LRFN5: variants seen among roughly 807,000 people sequenced by gnomAD.
LRFN5 encodes the protein leucine-rich repeat and fibronectin type-III domain-containing protein 5.
Under a neutral mutation model 45.6 loss-of-function variants are expected in LRFN5, and 24 were observed. The observed-to-expected ratio is 0.53, with a 90% CI of 0.38 to 0.74. The LOEUF (loss-of-function observed/expected upper bound fraction) is 0.74, where lower values mean the gene tolerates loss of function less well. Ranked by LOEUF, LRFN5 falls within the 30% of genes least tolerant of loss-of-function variation. The probability of loss-of-function intolerance (pLI) is 0.00; values close to 1 mark genes in which losing one functional copy is unlikely to be tolerated. For synonymous variants in LRFN5, 340 were observed against 313.8 expected (o/e 1.08, Z -0.88); for missense variants, 776 against 861.5 (o/e 0.90, Z 1.24).
chr14:41,709,719 C>A (rs1233490834), intron 1 of LRFN5, among the ~76,000 whole-genome samples: 1 of 151,290 alleles, frequency 6.6e-6, no homozygotes, highest in Non-Finnish European at 1.5e-5. Flanking sequence ...GAACATATAG[C>A]CAAAAAGCCA....
intron 1 of LRFN5, among the ~76,000 whole-genome samples, chr14:41,611,875 C>G (rs933941714): frequency 3.3e-5 from 5 of 152,200 alleles, no homozygotes; most frequent in African/African-American, 1.2e-4. Context: ...CTGTAGTTAC[C>G]TGTGGGAGAA....
At chr14:41,650,291 A>T (rs549420315) in intron 1 of LRFN5, among the ~76,000 whole-genome samples, 1 of 139,418 alleles carries the variant, frequency 7.2e-6, no homozygotes, top group South Asian at 2.3e-4. Flanking sequence ...TACTTGCAAC[A>T]CAGATGAGAG....
intron 2 of LRFN5, among the ~76,000 whole-genome samples, chr14:41,818,806 GT>G (rs1412085555): frequency 6.6e-6 from 1 of 152,094 alleles, no homozygotes; most frequent in Non-Finnish European, 1.5e-5. Context: ...TTGCAAAGTG[GT>G]GAAGTCTGGT....
At chr14:41,711,632 A>G (rs1188577978) in intron 1 of LRFN5, among the ~76,000 whole-genome samples, 1 of 152,220 alleles carries the variant, frequency 6.6e-6, no homozygotes, top group East Asian at 1.9e-4. Flanking sequence ...CCAGGTTTGT[A>G]GTGTTTAATG....
intron 1 of LRFN5, among the ~76,000 whole-genome samples, chr14:41,720,064 A>G (rs138362025): frequency 6.6e-6 from 1 of 152,090 alleles, no homozygotes; most frequent in African/African-American, 2.4e-5. Flanking sequence ...GATATGAATG[A>G]TCCTGTCAAG....
At chr14:41,623,240 T>TA (rs1888198720) in intron 1 of LRFN5, among the ~76,000 whole-genome samples, 1 of 152,098 alleles carries the variant, frequency 6.6e-6, no homozygotes. Flanking sequence ...GTGATACAGT[T>TA]AGACTTTGTG....
intron 1 of LRFN5, among the ~76,000 whole-genome samples, chr14:41,673,200 C>T (rs895119730): frequency 4.6e-5 from 7 of 151,724 alleles, no homozygotes. Context: ...CCGCCATTGT[C>T]ATCATGGCCC....
rs77341256 is a variant in LRFN5 at position 41,797,526 on chromosome 14, C to T, written c.-21+30497C>T. On this transcript the variant is annotated intron_variant, in intron 2 of 5. Coordinates refer to ENST00000298119, the MANE Select transcript of LRFN5 (RefSeq NM_152447.5). ...TACCTTATTGGAAAAGTGCTCTGTC[C>T]TTATTCTTTTTCTTTCTTTCTTAAA... 2.7e-3 allele frequency among the ~76,000 whole-genome samples: 408 copies of T among 151,550 alleles called. 2 individuals are homozygous for T. Among genetic ancestry groups the T allele is most frequent in the Non-Finnish European group, 4.1e-3 (277 of 67,712 alleles).
intron 1 of LRFN5, among the ~76,000 whole-genome samples, chr14:41,665,465 C>G (rs1880853149): frequency 6.6e-6 from 1 of 152,008 alleles, no homozygotes; most frequent in African/African-American, 2.4e-5. Context: ...TTTCTGCCAG[C>G]ACTTAACTCA....
intron 2 of LRFN5, among the ~76,000 whole-genome samples, chr14:41,803,217 A>C (rs187427047): frequency 6.6e-6 from 1 of 152,162 alleles, no homozygotes; most frequent in Non-Finnish European, 1.5e-5. Flanking sequence ...TGTCATTAAG[A>C]TTCTTTTGAT....
At chr14:41,643,477 G>A (rs1465223063) in intron 1 of LRFN5, among the ~76,000 whole-genome samples, 1 of 151,864 alleles carries the variant, frequency 6.6e-6, no homozygotes, top group African/African-American at 2.4e-5. Flanking sequence ...ATATCTTCTC[G>A]GCACACAAAC....
intron 1 of LRFN5, among the ~76,000 whole-genome samples, chr14:41,750,736 ACTT>A (rs1371947728): frequency 6.6e-6 from 1 of 152,078 alleles, no homozygotes; most frequent in African/African-American, 2.4e-5. Context: ...GCCTCAGAAA[ACTT>A]AAAATCCTGG....
chr14:41,896,990 G>T (rs910407843), intron 4 of LRFN5, among the ~76,000 whole-genome samples: 1 of 151,840 alleles, frequency 6.6e-6, no homozygotes, highest in Non-Finnish European at 1.5e-5. Flanking sequence ...TACTCGGGAG[G>T]CTGAGGCAGG....
At chr14:41,670,507 T>C (rs899375282) in intron 1 of LRFN5, among the ~76,000 whole-genome samples, 6 of 151,346 alleles carry the variant, frequency 4.0e-5, no homozygotes, top group African/African-American at 1.2e-4. Flanking sequence ...TAGGAAAATA[T>C]CCCTTTGAGA....
At chr14:41,759,591 C>T (rs971751103) in intron 1 of LRFN5, among the ~76,000 whole-genome samples, 18 of 151,986 alleles carry the variant, frequency 1.2e-4, no homozygotes, top group Admixed American at 6.6e-5. Context: ...CTCTGATTAA[C>T]ACCAGTCCAG....
chr14:41,741,067 G>C (rs1884669901), intron 1 of LRFN5, among the ~76,000 whole-genome samples: 1 of 145,160 alleles, frequency 6.9e-6, no homozygotes. Flanking sequence ...GGTGAAAGAA[G>C]TTGAAAAACA....
chr14:41,640,125 C>A (rs1416274215), intron 1 of LRFN5, among the ~76,000 whole-genome samples: 2 of 151,760 alleles, frequency 1.3e-5, no homozygotes, highest in Non-Finnish European at 1.5e-5. Flanking sequence ...GGCCATACCC[C>A]TGGGATCCTG....
At chr14:41,752,834 C>T (rs978812612) in intron 1 of LRFN5, among the ~76,000 whole-genome samples, 10 of 152,136 alleles carry the variant, frequency 6.6e-5, no homozygotes, top group African/African-American at 2.4e-4. Flanking sequence ...ACATGAAGTC[C>T]TTGCCCATGC....
intron 1 of LRFN5, among the ~76,000 whole-genome samples, chr14:41,715,616 A>C (rs1380893610): frequency 1.3e-5 from 2 of 152,206 alleles, no homozygotes; most frequent in African/African-American, 4.8e-5. Context: ...AAGGAAAATA[A>C]GTTTATTCAG....
Sources: gnomAD v4.1 joint callset for allele counts (sites outside exome capture counted in the v4.1 genomes callset) on GRCh38, gnomAD v4.1.1 for gene constraint, MANE v1.5 for transcripts, NCBI Gene and HGNC (gene_info 2026-07-23, HGNC 2026-07-21) for gene names.